The following CLNK variants were observed in gnomAD, a reference collection of about 807,000 sequenced individuals.
CLNK encodes the protein cytokine dependent hematopoietic cell linker.
Under a neutral mutation model 68.6 loss-of-function variants are expected in CLNK, and 74 were observed. The observed-to-expected ratio is 1.08, with a 90% CI of 0.89 to 1.31. The LOEUF is 1.31. CLNK is among the 50% of genes most tolerant of loss of function. The pLI, the probability that CLNK is intolerant of heterozygous loss-of-function variation, is 0.00. For missense variants in CLNK, 553 were observed against 515.3 expected, an observed-to-expected ratio of 1.07 and a Z score of -0.71; for synonymous variants, 198 against 172.2, an observed-to-expected ratio of 1.15 and a Z score of -1.17.
intron 2 of CLNK, among the ~76,000 whole-genome samples, chr4:10,644,880 C>T (rs1305204954): frequency 2.0e-5 from 3 of 152,098 alleles, no homozygotes; most frequent in Non-Finnish European, 2.9e-5. Flanking sequence ...GCTGGGGATT[C>T]ATATACTTCT....
At chr4:10,640,109 A>G (rs1723250562) in intron 2 of CLNK, among the ~76,000 whole-genome samples, 1 of 152,186 alleles carries the variant, frequency 6.6e-6, no homozygotes, top group Non-Finnish European at 1.5e-5. Flanking sequence ...AGCCTCTGCC[A>G]AAGAGGTTAT....
chr4:10,711,972 C>T, the CLNK span, among the ~76,000 whole-genome samples: 6 of 151,920 alleles, frequency 3.9e-5, no homozygotes, highest in South Asian at 2.1e-4. Context: ...GCTGGGGCAC[C>T]GGGAGACAAT....
At chr4:10,589,221 A>G (rs958498115) in intron 3 of CLNK, among the ~76,000 whole-genome samples, 1 of 152,202 alleles carries the variant, frequency 6.6e-6, no homozygotes, top group African/African-American at 2.4e-5. Flanking sequence ...GCAGATTGCA[A>G]CTACAACTTA....
At chr4:10,625,601 G>T (rs1229419587) in intron 2 of CLNK, among the ~76,000 whole-genome samples, 1 of 152,178 alleles carries the variant, frequency 6.6e-6, no homozygotes, top group African/African-American at 2.4e-5. Context: ...GGGTCAGAAA[G>T]ATAAAGAGAC....
At chr4:10,605,836 A>AAAAAG (rs1318114113) in intron 2 of CLNK, among the ~76,000 whole-genome samples, 1 of 150,870 alleles carries the variant, frequency 6.6e-6, no homozygotes, top group Admixed American at 6.6e-5. Flanking sequence ...AAAAAAAAAA[A>AAAAAG]AAAAAATAGA....
chr4:10,608,654 G>A (rs953950928), intron 2 of CLNK, among the ~76,000 whole-genome samples: 2 of 152,216 alleles, frequency 1.3e-5, no homozygotes, highest in Non-Finnish European at 2.9e-5. Context: ...TTACTGAACT[G>A]TGTTGAAATC....
intron 2 of CLNK, among the ~76,000 whole-genome samples, chr4:10,633,529 A>C (rs950283689): frequency 5.3e-5 from 8 of 152,194 alleles, no homozygotes; most frequent in African/African-American, 1.9e-4. Context: ...CATGGTTTGC[A>C]GGTGAAGAAA....
chr4:10,667,416 A>AAT lies in CLNK; in HGVS notation c.11+442_11+443insAT, dbSNP rs1553865026. On this transcript the variant is annotated intron_variant, in intron 2 of 18. Transcript: ENST00000226951. ...CTATACTATAGACATCAGGGATGGCATTTTTTTTTTTAATCAGGCACAAAT... is the reference window on the plus strand; with the variant it reads ...CTATACTATAGACATCAGGGATGGCAATTTTTTTTTTTTAATCAGGCACAAAT... Among the ~76,000 whole-genome samples, 48 of 100,040 alleles carry AAT rather than the reference A, an allele frequency of 4.8e-4. 1 individual carries two copies. Among genetic ancestry groups the AAT allele is most frequent in the Non-Finnish European group, 1.0e-3 (42 of 40,526 alleles). The allele number at this position is 100,040 out of a possible 152,430, so 65.6% of individuals were successfully genotyped here.
At chr4:10,556,473 A>G (rs1719676977) in intron 8 of CLNK, among the ~76,000 whole-genome samples, 1 of 152,208 alleles carries the variant, frequency 6.6e-6, no homozygotes, top group Non-Finnish European at 1.5e-5. Flanking sequence ...AGAGAGGTAA[A>G]CAGACATACT....
Position 10,625,302 on chromosome 4 carries a change from C to T in CLNK, c.12-27253G>A, listed in dbSNP as rs144332201. ...CCACTCTGCAGAGGGAGGTGTTTGG[C>T]GTACAAAGGCAGAGAGAGGGGGCAA... On this transcript the variant is annotated intron_variant, in intron 2 of 18. Transcript: ENST00000226951. Among the ~76,000 whole-genome samples, 73 of 152,254 alleles carry T rather than the reference C, an allele frequency of 4.8e-4. 1 individual carries two copies. The highest frequency in any genetic ancestry group is 1.7e-3 in the East Asian group (9 of 5,188).
intron 2 of CLNK, among the ~76,000 whole-genome samples, chr4:10,644,359 G>C (rs1723429909): frequency 1.3e-5 from 2 of 152,148 alleles, no homozygotes; most frequent in Non-Finnish European, 2.9e-5. Flanking sequence ...TTCTTTCTAG[G>C]TGTTTGGTTC....
chr4:10,628,678 G>A (rs555808887), intron 2 of CLNK, among the ~76,000 whole-genome samples: 1 of 152,334 alleles, frequency 6.6e-6, no homozygotes, highest in Non-Finnish European at 1.5e-5. Flanking sequence ...CGATGCCTGT[G>A]TTGGGGCTCA....
At chr4:10,606,793 T>A (rs1019110154) in intron 2 of CLNK, among the ~76,000 whole-genome samples, 1 of 152,232 alleles carries the variant, frequency 6.6e-6, no homozygotes, top group Non-Finnish European at 1.5e-5. Context: ...TATATCTATA[T>A]ATACACACAC....
intron 7 of CLNK, among the ~76,000 whole-genome samples, chr4:10,561,587 C>T (rs1318829268): frequency 1.3e-5 from 2 of 152,196 alleles, no homozygotes; most frequent in African/African-American, 4.8e-5. Flanking sequence ...GCGTTCTCTA[C>T]TTCTTTATAA....
In CLNK at chr4:10,519,821, C is replaced by CTG. The variant is rs758512486; in HGVS notation, c.772+968_772+969dup. ...TGCCTACTACATGGCAGGCAGAGGG[C>CTG]TGTGTGTGTGTGTGTGTGTGCAAAT... On this transcript the variant is annotated intron_variant, in intron 15 of 18. Coordinates refer to ENST00000226951, the MANE Select transcript of CLNK (RefSeq NM_052964.4). Among the ~76,000 whole-genome samples the CTG allele has an allele frequency of 2.1e-3, 310 of 149,404 alleles. 1 individual carries two copies. Among genetic ancestry groups the CTG allele is most frequent in the Middle Eastern group, 0.021 (6 of 290 alleles).
At chr4:10,517,063 T>C (rs1259183000) in intron 15 of CLNK, among the ~76,000 whole-genome samples, 2 of 152,212 alleles carry the variant, frequency 1.3e-5, no homozygotes, top group Admixed American at 1.3e-4. Context: ...AATAAAAGTT[T>C]AACTTTCAAA....
intron 17 of CLNK, among the ~76,000 whole-genome samples, chr4:10,501,874 C>A (rs944791496): frequency 6.6e-6 from 1 of 152,208 alleles, no homozygotes; most frequent in Admixed American, 6.5e-5. Flanking sequence ...TTGCAGTGAG[C>A]CAAGATCGTG....
chr4:10,542,809 C>A (rs1719091472), intron 8 of CLNK, among the ~76,000 whole-genome samples: 1 of 150,954 alleles, frequency 6.6e-6, no homozygotes, highest in Non-Finnish European at 1.5e-5. Context: ...AATCCAACTT[C>A]TTTATTTTAT....
chr4:10,668,260 G>A (rs930729926), intron 1 of CLNK, among the ~76,000 whole-genome samples: 23 of 152,192 alleles, frequency 1.5e-4, no homozygotes, highest in African/African-American at 5.5e-4. Flanking sequence ...CTGAGCCAGA[G>A]CATGCAGAAA....
Sources: gnomAD v4.1 joint callset for allele counts (sites outside exome capture counted in the v4.1 genomes callset) on GRCh38, gnomAD v4.1.1 for gene constraint, MANE v1.5 for transcripts, NCBI Gene and HGNC (gene_info 2026-07-23, HGNC 2026-07-21) for gene names.